Variants in FDCSP observed in about 807,000 individuals in gnomAD.
FDCSP encodes the protein follicular dendritic cell secreted protein.
Under a neutral mutation model 8.9 loss-of-function variants are expected in FDCSP, and 8 were observed. The ratio of observed to expected loss-of-function variants is 0.90; its 90% CI spans 0.53 to 1.63. The LOEUF (loss-of-function observed/expected upper bound fraction) is 1.63. Ranked by LOEUF, FDCSP falls within the 40% of genes most tolerant of loss-of-function variation. FDCSP has a pLI of 0.00. For synonymous variants in FDCSP, 34 were observed against 34.5 expected (o/e 0.98, Z 0.06); for missense variants, 101 against 103.6 (o/e 0.98, Z 0.11).
At chr4:70,233,566 G>A (rs936504293) in intron 3 of FDCSP, among the ~76,000 whole-genome samples, 4 of 151,532 alleles carry the variant, frequency 2.6e-5, no homozygotes, top group East Asian at 1.9e-4. Flanking sequence ...TGATTTTATC[G>A]CAAAAACTAC....
chr4:70,231,118 G>T, intron 1 of FDCSP, 77 bp from the exon 2 acceptor site: 2 of 1,135,194 alleles, frequency 1.8e-6, no homozygotes, highest in South Asian at 1.6e-5. Context: ...TTAAATTCAT[G>T]GTCTTTTAGC....
At chr4:70,231,316 C>G (rs1730079146) in intron 2 of FDCSP, 65 bp downstream of exon 2, 3 of 1,294,574 alleles carry the variant, frequency 2.3e-6, no homozygotes, top group Admixed American at 2.1e-5. Flanking sequence ...TTTATGTCAA[C>G]CAGGAACCAC....
chr4:70,226,645 C>G (rs1391675988), intron 1 of FDCSP, among the ~76,000 whole-genome samples: 1 of 151,888 alleles, frequency 6.6e-6, no homozygotes, highest in Non-Finnish European at 1.5e-5. Flanking sequence ...CATTCCATAA[C>G]ATTTTATGTT....
chr4:70,234,947 C>T (rs915506523), intron 4 of FDCSP, 138 bp from the exon 5 acceptor site: 2 of 151,468 alleles, frequency 1.3e-5, no homozygotes, highest in African/African-American at 4.8e-5. Context: ...CTTTCTACAT[C>T]TTGAGCAGAT....
chr4:70,232,324 AT>A (rs1201735389), intron 2 of FDCSP, among the ~76,000 whole-genome samples: 3 of 151,512 alleles, frequency 2.0e-5, no homozygotes, highest in Non-Finnish European at 3.0e-5. Context: ...TTTATACTGT[AT>A]TTTTTACTGT....
intron 4 of FDCSP, 62 bp downstream of exon 4, chr4:70,234,277 C>G: frequency 7.4e-7 from 1 of 1,357,080 alleles, no homozygotes; most frequent in Non-Finnish European, 1.0e-6. Flanking sequence ...TCCATAATTT[C>G]AAGGAAAAAA....
intron 4 of FDCSP, 48 bp downstream of exon 4, chr4:70,234,263 G>A: frequency 2.1e-6 from 3 of 1,407,564 alleles, no homozygotes; most frequent in Non-Finnish European, 1.9e-6. Context: ...TTTGCAGATT[G>A]GAATCCATAA....
At chr4:70,232,611 C>A (rs748120244) in intron 2 of FDCSP, among the ~76,000 whole-genome samples, 3 of 151,544 alleles carry the variant, frequency 2.0e-5, no homozygotes, top group Non-Finnish European at 4.4e-5. Context: ...TATATTTTGT[C>A]TTGATTCATG....
Position 70,231,209 on chromosome 4 carries a change from C to T in FDCSP, c.15C>T (p.Leu5=), listed in dbSNP as rs1730077187. The change falls in exon 2 of 5, where the codon CTC becomes CTT. Residue 5 remains leucine, a synonymous_variant. Coordinates refer to ENST00000317987, the MANE Select transcript of FDCSP (RefSeq NM_152997.4). MKKV[L]LLITAILAVA... is the part of the protein sequence containing the mutation. ...CCATTTTGCAGATGAAGAAAGTTCT[C>T]CTCCTGATCACAGCCATCTTGGCAG... The T allele has an allele frequency of 6.3e-7, 1 of 1,599,336 alleles. No homozygotes were observed. Among genetic ancestry groups the T allele is most frequent in the Non-Finnish European group, 8.5e-7 (1 of 1,172,272 alleles).
chr4:70,233,851 G>A (rs997407156), intron 3 of FDCSP, among the ~76,000 whole-genome samples, 169 bp from the exon 4 acceptor site: 1 of 151,538 alleles, frequency 6.6e-6, no homozygotes, highest in African/African-American at 2.4e-5. Flanking sequence ...TTTAAATGAT[G>A]CAAATTAATA....
At chr4:70,230,323 A>G (rs1040815951) in intron 1 of FDCSP, among the ~76,000 whole-genome samples, 1 of 151,752 alleles carries the variant, frequency 6.6e-6, no homozygotes, top group Non-Finnish European at 1.5e-5. Context: ...AAATCAAGTA[A>G]TATGCACATG....
chr4:70,234,691 T>G (rs1317330537), intron 4 of FDCSP, among the ~76,000 whole-genome samples: 1 of 151,472 alleles, frequency 6.6e-6, no homozygotes, highest in Admixed American at 6.6e-5. Context: ...TTTAAAGGCT[T>G]CATGCTTCAC....
At chr4:70,231,609 T>C (rs1466572105) in intron 2 of FDCSP, among the ~76,000 whole-genome samples, 1 of 151,748 alleles carries the variant, frequency 6.6e-6, no homozygotes, top group Non-Finnish European at 1.5e-5. Flanking sequence ...CTGCCAGTCA[T>C]ATAAGAATAG....
Position 70,226,152 on chromosome 4 carries a change from C to T in FDCSP, c.-31C>T, listed in dbSNP as rs1034773944. 6.6e-6 allele frequency: 1 copy of T among 151,820 alleles called. No homozygotes were observed. The highest frequency in any genetic ancestry group is 2.4e-5 in the African/African-American group (1 of 41,364). The allele number at this position is 151,820 out of a possible 1,614,324, so 9.4% of individuals were successfully genotyped here. On this transcript the variant is annotated 5_prime_UTR_variant, in exon 1 of 5. Coordinates refer to ENST00000317987, the MANE Select transcript of FDCSP (RefSeq NM_152997.4). ...CACTTGCCATTTCTCATAACAGCGT[C>T]AGAGAGAAAGAACTGACTGAAACGT... is the stretch of plus-strand genomic sequence containing the variant.
intron 1 of FDCSP, among the ~76,000 whole-genome samples, chr4:70,230,741 A>G (rs1300970038): frequency 1.3e-5 from 2 of 151,638 alleles, no homozygotes; most frequent in Non-Finnish European, 3.0e-5. Context: ...GGAATGTTGA[A>G]CTCTCTGAGA....
intron 1 of FDCSP, among the ~76,000 whole-genome samples, chr4:70,229,039 T>C (rs1730036566): frequency 6.6e-6 from 1 of 151,838 alleles, no homozygotes; most frequent in Non-Finnish European, 1.5e-5. Flanking sequence ...TGTTTTCTTC[T>C]CTTTAGCTAT....
At chr4:70,231,340 G>T (rs1026461317) in intron 2 of FDCSP, 89 bp downstream of exon 2, 1 of 1,066,782 alleles carries the variant, frequency 9.4e-7, no homozygotes, top group African/African-American at 1.6e-5. Context: ...CACAAGGGTG[G>T]TCCCAAAAGA....
At chr4:70,228,436 G>A (rs1455355442) in intron 1 of FDCSP, among the ~76,000 whole-genome samples, 2 of 151,742 alleles carry the variant, frequency 1.3e-5, no homozygotes, top group Admixed American at 6.6e-5. Context: ...ATCCCTCAAA[G>A]TCATCCACAA....
intron 1 of FDCSP, among the ~76,000 whole-genome samples, chr4:70,226,534 C>G (rs1729989050): frequency 6.6e-6 from 1 of 151,788 alleles, no homozygotes; most frequent in South Asian, 2.1e-4. Context: ...GGTCAGCAAA[C>G]AGAGGGAATA....
Sources: allele counts gnomAD v4.1 joint callset (sites outside exome capture counted in the v4.1 genomes callset), GRCh38; gene constraint gnomAD v4.1.1; transcripts MANE v1.5; gene names NCBI Gene and HGNC (gene_info 2026-07-23, HGNC 2026-07-21).